HCRTR2: variants seen among roughly 807,000 people sequenced by gnomAD.
HCRTR2 encodes hypocretin receptor 2, also known as orexin receptor type 2.
Under a neutral mutation model 49.0 loss-of-function variants are expected in HCRTR2, and 22 were observed. The ratio of observed to expected loss-of-function variants is 0.45; its 90% CI spans 0.32 to 0.64. The LOEUF is 0.64. HCRTR2 is among the 30% of genes least tolerant of loss of function. HCRTR2 has a pLI of 0.04. For missense variants in HCRTR2, 491 were observed against 559.4 expected, an observed-to-expected ratio of 0.88 and a Z score of 1.23; for synonymous variants, 236 against 205.3, an observed-to-expected ratio of 1.15 and a Z score of -1.28.
Position 55,109,690 on chromosome 6 carries a change from T to A in HCRTR2, c.-378+3145T>A, listed in dbSNP as rs199999330. Reference sequence around the variant, plus strand: ...AGACAAAGAAAAAAGATTTTTTTTTTAATGAAAAAAGCCTCCAAGAAGTTT... The same window carrying A: ...AGACAAAGAAAAAAGATTTTTTTTTAAATGAAAAAAGCCTCCAAGAAGTTT... On this transcript the variant is annotated intron_variant, in intron 1 of 7. Coordinates refer to the HCRTR2 transcript ENST00000615358. 3.2e-4 allele frequency among the ~76,000 whole-genome samples: 47 copies of A among 148,262 alleles called. 1 individual carries two copies. The highest frequency in any genetic ancestry group is 9.6e-4 in the African/African-American group (39 of 40,650).
chr6:55,234,154 G>A (rs1766169960), intron 1 of HCRTR2, among the ~76,000 whole-genome samples: 1 of 152,122 alleles, frequency 6.6e-6, no homozygotes, highest in Non-Finnish European at 1.5e-5. Flanking sequence ...GTGCTATGCT[G>A]CTTTACCTAT....
Position 55,263,706 on chromosome 6 carries a change from G to C in HCRTR2, c.647-1G>C. 1 of 1,560,786 alleles carries C rather than the reference G, an allele frequency of 6.4e-7. No individual in the cohort carries two copies. Among genetic ancestry groups the C allele is most frequent in the Non-Finnish European group, 8.8e-7 (1 of 1,132,740 alleles). Reference sequence around the variant, plus strand: ...TTTTGTTGTTTTGACTTTCATCCTAGGTGAAATTTATCCCAAGATGTACCA... The same window carrying C: ...TTTTGTTGTTTTGACTTTCATCCTACGTGAAATTTATCCCAAGATGTACCA... On this transcript the variant is annotated splice_acceptor_variant, in intron 3 of 6. Transcript: ENST00000370862. LOFTEE classifies it high-confidence loss of function.
intron 1 of HCRTR2, among the ~76,000 whole-genome samples, chr6:55,214,187 G>C (rs972499841): frequency 2.0e-5 from 3 of 152,110 alleles, no homozygotes; most frequent in African/African-American, 7.2e-5. Flanking sequence ...CATTCTAATT[G>C]AGAATTTACA....
intron 2 of HCRTR2, among the ~76,000 whole-genome samples, chr6:55,251,223 G>C (rs1052328278): frequency 6.6e-6 from 1 of 152,058 alleles, no homozygotes; most frequent in African/African-American, 2.4e-5. Flanking sequence ...TTGCATTTTA[G>C]ATTACTTGGA....
chr6:55,171,214 C>G (rs1764945411), upstream of HCRTR2, among the ~76,000 whole-genome samples: 1 of 152,172 alleles, frequency 6.6e-6, no homozygotes, highest in Admixed American at 6.5e-5. Flanking sequence ...CAAAAGTGTT[C>G]CTATTTCTCC....
intron 1 of HCRTR2, among the ~76,000 whole-genome samples, chr6:55,223,030 G>A (rs1318079471): frequency 6.6e-6 from 1 of 152,124 alleles, no homozygotes; most frequent in Non-Finnish European, 1.5e-5. Flanking sequence ...AAACAGTAGA[G>A]TTTACTTAAT....
chr6:55,112,318 A>G (rs1260089391), intron 1 of HCRTR2, among the ~76,000 whole-genome samples: 1 of 151,934 alleles, frequency 6.6e-6, no homozygotes, highest in African/African-American at 2.4e-5. Context: ...AGAACAAAAT[A>G]ATGTGAATTA....
chr6:55,208,466 T>C (rs368295816), intron 1 of HCRTR2, among the ~76,000 whole-genome samples: 2 of 151,380 alleles, frequency 1.3e-5, no homozygotes, highest in East Asian at 1.9e-4. Context: ...CACTCCAGTC[T>C]GGGTGACAGA....
At chr6:55,214,845 C>A (rs1349746524) in intron 1 of HCRTR2, among the ~76,000 whole-genome samples, 1 of 151,202 alleles carries the variant, frequency 6.6e-6, no homozygotes, top group Non-Finnish European at 1.5e-5. Context: ...TTTGAACAAG[C>A]AGAAGAAAGA....
intron 1 of HCRTR2, among the ~76,000 whole-genome samples, chr6:55,233,636 A>G (rs1357119152): frequency 6.6e-6 from 1 of 152,148 alleles, no homozygotes; most frequent in African/African-American, 2.4e-5. Context: ...AAGAGGTTAC[A>G]ATGAGGGAGG....
At chr6:55,254,730 A>G (rs1379215886) in intron 2 of HCRTR2, among the ~76,000 whole-genome samples, 1 of 151,628 alleles carries the variant, frequency 6.6e-6, no homozygotes, top group African/African-American at 2.4e-5. Flanking sequence ...ATTCTTTATA[A>G]TTGAGGCTTT....
At chr6:55,142,987 AGAT>A (rs1293253169) in intron 1 of HCRTR2, among the ~76,000 whole-genome samples, 2 of 52,114 alleles carry the variant, frequency 3.8e-5, no homozygotes, top group Non-Finnish European at 7.1e-5. Flanking sequence ...GAAAGATGAT[AGAT>A]GATAGATAGA....
At chr6:55,127,791 C>A (rs770832615) in intron 1 of HCRTR2, among the ~76,000 whole-genome samples, 9 of 127,620 alleles carry the variant, frequency 7.1e-5, no homozygotes, top group Non-Finnish European at 1.2e-4. Context: ...CAGAAACAAT[C>A]TCATCAATGT....
chr6:55,119,939 A>G (rs974174536), intron 1 of HCRTR2, among the ~76,000 whole-genome samples: 2 of 151,802 alleles, frequency 1.3e-5, no homozygotes, highest in African/African-American at 4.8e-5. Flanking sequence ...TCTTGAGTTG[A>G]TTTTTGTATA....
intron 1 of HCRTR2, among the ~76,000 whole-genome samples, chr6:55,241,891 G>A (rs946229295): frequency 2.4e-5 from 2 of 83,850 alleles, no homozygotes; most frequent in African/African-American, 8.4e-5. Context: ...TTTTGTGAGA[G>A]GGAGCCTCAC....
At chr6:55,160,027 A>ATGTGTCTTGGTG (rs1764784411) in intron 1 of HCRTR2, among the ~76,000 whole-genome samples, 5 of 152,146 alleles carry the variant, frequency 3.3e-5, no homozygotes, top group Non-Finnish European at 5.9e-5. Flanking sequence ...ACCCCAAGAC[A>ATGTGTCTTGGTG]CATAATTGTC....
intron 1 of HCRTR2, among the ~76,000 whole-genome samples, chr6:55,200,852 T>G (rs1402722459): frequency 6.6e-6 from 1 of 152,196 alleles, no homozygotes; most frequent in African/African-American, 2.4e-5. Flanking sequence ...AAGTATTTGT[T>G]GTTATTCTGT....
chr6:55,123,712 T>C (rs1764234031), intron 1 of HCRTR2, among the ~76,000 whole-genome samples: 1 of 152,204 alleles, frequency 6.6e-6, no homozygotes, highest in Non-Finnish European at 1.5e-5. Context: ...TACCAGCTCC[T>C]TTTTCTACCT....
At chr6:55,204,233 C>T (rs1476066070) in intron 1 of HCRTR2, among the ~76,000 whole-genome samples, 1 of 152,110 alleles carries the variant, frequency 6.6e-6, no homozygotes, top group Non-Finnish European at 1.5e-5. Flanking sequence ...GATGAATACC[C>T]CAGCTCTCAT....
Sources: gnomAD v4.1 joint callset for allele counts (sites outside exome capture counted in the v4.1 genomes callset) on GRCh38, gnomAD v4.1.1 for gene constraint, MANE v1.5 for transcripts, NCBI Gene and HGNC (gene_info 2026-07-23, HGNC 2026-07-21) for gene names.